Variants in MAPKAP1 observed in about 807,000 individuals in gnomAD.
The protein encoded by MAPKAP1 is target of rapamycin complex 2 subunit MAPKAP1.
In MAPKAP1, 20 loss-of-function variants were observed where a neutral mutation model predicts 65.7. The ratio of observed to expected loss-of-function variants is 0.30; its 90% confidence interval spans 0.21 to 0.44. MAPKAP1 has a LOEUF of 0.44. Ranked by LOEUF, MAPKAP1 falls within the 20% of genes least tolerant of loss-of-function variation. MAPKAP1 has a pLI of 1.00. For missense variants in MAPKAP1, 423 were observed against 648.0 expected (o/e 0.65, Z 3.77); for synonymous variants, 222 against 244.3 (o/e 0.91, Z 0.85).
intron 4 of MAPKAP1, among the ~76,000 whole-genome samples, chr9:125,601,659 C>T (rs1429205223): frequency 1.3e-5 from 2 of 152,214 alleles, no homozygotes; most frequent in Admixed American, 1.3e-4. Flanking sequence ...CAGTGTACGT[C>T]TCTTCAGTAA....
chr9:125,624,178 C>T (rs867396994), intron 4 of MAPKAP1, among the ~76,000 whole-genome samples: 17 of 26,900 alleles, frequency 6.3e-4, no homozygotes, highest in South Asian at 4.0e-3. Context: ...AGCCCCCCGC[C>T]CGGCCAGCCG....
In MAPKAP1 at chr9:125,637,800, A is replaced by G. The variant is rs537379054; in HGVS notation, c.498+19851T>C. On this transcript the variant is annotated intron_variant, in intron 4 of 11. Transcript: ENST00000265960. ...GTACTTATTTTTTGTTCTGAGACGG[A>G]ATCTCGCTGTTTCCTATGCTGGAGT... Among the ~76,000 whole-genome samples the G allele has an allele frequency of 2.6e-5, 4 of 152,250 alleles. No homozygotes were observed. In the South Asian group the frequency reaches 8.3e-4, roughly 32 times the overall value.
In MAPKAP1 at chr9:125,575,729, AC is replaced by A. The variant is rs372788789; in HGVS notation, c.671+9825del. The stretch of plus-strand genomic sequence containing the variant: ...CAAATGCTGGTGAGGATTTGGAGCA[AC>A]AACTCTCATTCCTCACTGGTGGGAA... On this transcript the variant is annotated intron_variant, in intron 5 of 11. Coordinates refer to ENST00000265960, the MANE Select transcript of MAPKAP1 (RefSeq NM_001006617.3). 2.7e-3 allele frequency among the ~76,000 whole-genome samples: 411 copies of A among 152,332 alleles called. 1 individual carries two copies. The highest frequency in any genetic ancestry group is 4.1e-3 in the Non-Finnish European group (276 of 68,024).
intron 4 of MAPKAP1, 96 bp downstream of exon 4, chr9:125,657,555 A>G: frequency 4.4e-6 from 5 of 1,129,046 alleles, no homozygotes; most frequent in African/African-American, 3.1e-5. Flanking sequence ...ATATTCTACA[A>G]AGCATTTCTG....
chr9:125,651,925 T>C (rs1265850994), intron 4 of MAPKAP1, among the ~76,000 whole-genome samples: 1 of 152,192 alleles, frequency 6.6e-6, no homozygotes, highest in Non-Finnish European at 1.5e-5. Flanking sequence ...AAAGCTGCTT[T>C]CTAGAAACAC....
rs911132089 is a variant in MAPKAP1, at chr9:125,438,951, T to C, written c.1505A>G (p.Gln502Arg). 7 of 1,614,254 alleles carry C rather than the reference T, an allele frequency of 4.3e-6. No individual in the cohort carries two copies. The highest frequency in any genetic ancestry group is 2.2e-5 in the East Asian group (1 of 44,890). ...TARADYFAQK[Q>R]RKLNRRTSFS... ...GCTCGTACGTCTGTTCAGTTTTCTT[T>C]GTTTTTGAGCAAAGTAGTCAGCCCG... is the stretch of plus-strand genomic sequence containing the variant. Residue 502 changes from glutamine to arginine, a missense_variant, in exon 12 of 12, where the codon CAA (glutamine) becomes CGA (arginine). Physicochemically the swap from Gln to Arg is conservative, Grantham distance 43. Around this residue, in one of 6 missense-constraint regions of MAPKAP1, gnomAD observed 185 missense variants for 268.1 expected, o/e 0.69. Transcript: ENST00000265960.
At position 125,698,262 on chromosome 9, in the gene MAPKAP1, AAT is replaced by A. The variant is rs1414660824; in HGVS notation, c.-70+8707_-70+8708del. On this transcript the variant is annotated intron_variant, in intron 1 of 11. Transcript: ENST00000265960. ...AAAATATATAAATATATAATTTATA[AAT>A]ATATATAATACATAATATATATAAA... 8.3e-5 allele frequency among the ~76,000 whole-genome samples: 9 copies of A among 108,602 alleles called. No homozygotes were observed. In the East Asian group the frequency reaches 2.2e-3, roughly 27 times the overall value. The allele number at this position is 108,602 out of a possible 152,430, so 71.2% of individuals were successfully genotyped here.
At chr9:125,574,599 A>C (rs1276994197) in intron 5 of MAPKAP1, among the ~76,000 whole-genome samples, 2 of 152,258 alleles carry the variant, frequency 1.3e-5, no homozygotes, top group African/African-American at 4.8e-5. Context: ...CTGGAAATAC[A>C]TAATGTCAGG....
intron 7 of MAPKAP1, among the ~76,000 whole-genome samples, chr9:125,527,300 T>G (rs1829801158): frequency 6.6e-6 from 1 of 152,162 alleles, no homozygotes; most frequent in African/African-American, 2.4e-5. Flanking sequence ...ACTCCTGACC[T>G]CCTGATCCAC....
intron 9 of MAPKAP1, among the ~76,000 whole-genome samples, chr9:125,473,257 A>AGCACGGGGGCTG (rs1209796691): frequency 6.6e-6 from 1 of 152,028 alleles, no homozygotes; most frequent in East Asian, 1.9e-4. Context: ...GGAAGAAAAG[A>AGCACGGGGGCTG]GCACGGGGGC....
chr9:125,676,041 A>T (rs1028253698), intron 1 of MAPKAP1, among the ~76,000 whole-genome samples: 1 of 152,218 alleles, frequency 6.6e-6, no homozygotes, highest in African/African-American at 2.4e-5. Context: ...AAGGACATAC[A>T]TATCACGGAT....
intron 5 of MAPKAP1, among the ~76,000 whole-genome samples, chr9:125,575,208 A>T (rs10986805): frequency 0.02 from 2,990 of 152,290 alleles, 163 homozygotes; most frequent in East Asian, 0.15. Flanking sequence ...AAAAAATTTT[A>T]AAAATTAGCC....
chr9:125,611,391 GAC>G (rs1459472941), intron 4 of MAPKAP1, among the ~76,000 whole-genome samples: 1 of 152,108 alleles, frequency 6.6e-6, no homozygotes, highest in African/African-American at 2.4e-5. Context: ...AACCCAAAGA[GAC>G]ACAGAGATAG....
At chr9:125,602,858 A>G (rs1427585312) in intron 4 of MAPKAP1, among the ~76,000 whole-genome samples, 1 of 152,138 alleles carries the variant, frequency 6.6e-6, no homozygotes, top group Non-Finnish European at 1.5e-5. Context: ...ACCCTGTCTC[A>G]AACAAAACCA....
At chr9:125,657,593 C>A in intron 4 of MAPKAP1, 58 bp downstream of exon 4, 1 of 1,442,702 alleles carries the variant, frequency 6.9e-7, no homozygotes, top group Non-Finnish European at 9.5e-7. Context: ...ATAATACCAA[C>A]AACAACTCCA....
At chr9:125,565,664 C>T (rs1262127954) in intron 5 of MAPKAP1, 2 of 395,274 alleles carry the variant, frequency 5.1e-6, no homozygotes, top group Non-Finnish European at 9.8e-6. Context: ...TCCTTTTCTC[C>T]AAAACCCCTC....
rs140391204 is a variant in MAPKAP1, at chr9:125,518,531, G to T, written c.959-12114C>A. Among the ~76,000 whole-genome samples the T allele has an allele frequency of 3.1e-3, 475 of 152,286 alleles. 2 individuals carry two copies. Among genetic ancestry groups the T allele is most frequent in the Middle Eastern group, 6.8e-3 (2 of 294 alleles). The stretch of plus-strand genomic sequence containing the variant: ...TTAAAAAAAAAAAAATTAGCTGGTT[G>T]TGATGGTGTGGAGCTGTAGTGTCAG... On this transcript the variant is annotated intron_variant, in intron 7 of 11. Transcript: ENST00000265960.
intron 5 of MAPKAP1, among the ~76,000 whole-genome samples, chr9:125,570,488 T>C (rs951826394): frequency 6.6e-6 from 1 of 152,244 alleles, no homozygotes. Context: ...CACTTCTGCC[T>C]GGTGTGTCCT....
At chr9:125,505,537 G>A (rs759611107) in intron 8 of MAPKAP1, among the ~76,000 whole-genome samples, 8 of 152,194 alleles carry the variant, frequency 5.3e-5, no homozygotes, top group South Asian at 2.1e-4. Context: ...AGTAGTATGC[G>A]GTATGGCAGA....
Sources: gnomAD v4.1 joint callset for allele counts (sites outside exome capture counted in the v4.1 genomes callset) on GRCh38, gnomAD v4.1.1 for gene constraint, gnomAD v4.1.1 regional missense constraint, MANE v1.5 for transcripts, NCBI Gene and HGNC (gene_info 2026-07-23, HGNC 2026-07-21) for gene names.